Variants in ZSWIM1 observed in about 807,000 individuals in gnomAD.
ZSWIM1 encodes the protein zinc finger SWIM domain-containing protein 1.
ZSWIM1 carries 22 observed loss-of-function variants against 29.3 expected under a neutral mutation model. The observed-to-expected ratio is 0.75, with a 90% CI of 0.54 to 1.07. The LOEUF is 1.07. Among genes scored for constraint, ZSWIM1 ranks in the 50% least tolerant of loss-of-function variants. ZSWIM1 has a pLI of 0.00. For missense variants in ZSWIM1, 511 were observed against 596.2 expected (o/e 0.86, Z 1.49); for synonymous variants, 228 against 240.8 (o/e 0.95, Z 0.49).
rs752194617 is a variant in ZSWIM1, at chr20:45,883,648, C to T, written c.1056C>T (p.Ser352=). 6.2e-7 allele frequency: 1 copy of T among 1,614,186 alleles called. No individual in the cohort carries two copies. The highest frequency in any genetic ancestry group is 8.5e-7 in the Non-Finnish European group (1 of 1,180,020). Residue 352 remains serine (S), a synonymous_variant, in exon 2 of 2, where the codon TCC becomes TCT. Transcript: ENST00000372523. ...CLGELAVVQK[S]THLIGSGSEK... ...GCGAGCTTGCTGTGGTCCAGAAATC[C>T]ACACACCTCATTGGCTCTGGCTCAG...
Position 45,884,076 on chromosome 20 carries a change from A to T in ZSWIM1, c.*26A>T. On this transcript the variant is annotated 3_prime_UTR_variant, in exon 2 of 2. Transcript: ENST00000372523. ...TTATTCTCGATGCCCAGAGATGCTC[A>T]TGCACCTGTGCACACTCACATCCAC... 6.3e-7 allele frequency: 1 copy of T among 1,584,510 alleles called. No individual in the cohort carries two copies.
chr20:45,883,204 A>T lies in ZSWIM1; in HGVS notation c.612A>T (p.Ser204=). The change falls in exon 2 of 2, where the codon TCA becomes TCT. Residue 204 remains serine, a synonymous_variant. Coordinates refer to ENST00000372523, the MANE Select transcript of ZSWIM1 (RefSeq NM_080603.5). Reference sequence around the variant, plus strand: ...CCTCCCTGCAGAGCACAATGTGCTCAGCCACAGCAGGCAACCTGAGAAAGT... The same window carrying T: ...CCTCCCTGCAGAGCACAATGTGCTCTGCCACAGCAGGCAACCTGAGAAAGT... ...LLTSLQSTMC[S]ATAGNLRKLY... is the part of the protein sequence containing the mutation. 1 of 1,613,964 alleles carries T rather than the reference A, an allele frequency of 6.2e-7. No homozygotes were observed. Among genetic ancestry groups the T allele is most frequent in the Non-Finnish European group, 8.5e-7 (1 of 1,180,022 alleles).
rs780095973 is a variant in ZSWIM1 at position 45,883,325 on chromosome 20, T to C, written c.733T>C (p.Trp245Arg). ...CGACCGCATCTGGCTGGCTCACCGCTGGAGAAGCCGAGCTGAGAGCAGCCA... is the reference window on the plus strand; with the variant it reads ...CGACCGCATCTGGCTGGCTCACCGCCGGAGAAGCCGAGCTGAGAGCAGCCA... ...LNDRIWLAHRWRSRAESSHYF... is the reference protein window; with the variant it reads ...LNDRIWLAHRRRSRAESSHYF... The change falls in exon 2 of 2, where the codon TGG becomes CGG. Residue 245 changes from tryptophan to arginine, a missense_variant. Coordinates refer to ENST00000372523, the MANE Select transcript of ZSWIM1 (RefSeq NM_080603.5). 3.1e-6 allele frequency: 5 copies of C among 1,614,034 alleles called. No individual in the cohort carries two copies. Among genetic ancestry groups the C allele is most frequent in the Non-Finnish European group, 4.2e-6 (5 of 1,180,054 alleles).
rs779919054 is a variant in ZSWIM1, at chr20:45,883,877, C to T, written c.1285C>T (p.Leu429=). The T allele has an allele frequency of 6.2e-7, 1 of 1,613,982 alleles. No homozygotes were observed. The highest frequency in any genetic ancestry group is 8.5e-7 in the Non-Finnish European group (1 of 1,180,036). Residue 429 remains leucine (L), a synonymous_variant, in exon 2 of 2, where the codon CTG becomes TTG. Coordinates refer to ENST00000372523, the MANE Select transcript of ZSWIM1 (RefSeq NM_080603.5). ...CTGTGCTACCAGTCTAGACAGCATC[C>T]TGGGCAGCAAGTGGAGTGAGACCCT... ...AGCATSLDSI[L]GSKWSETLDK...
rs754518404 is a variant in ZSWIM1 at position 45,883,524 on chromosome 20, C to A, written c.932C>A (p.Thr311Asn). The A allele has an allele frequency of 6.2e-7, 1 of 1,614,206 alleles. No homozygotes were observed. The highest frequency in any genetic ancestry group is 1.7e-5 in the Admixed American group (1 of 60,026). ...CAQNNHAPSD[T>N]IPESPKLEQL... ...CAGAACAATCATGCTCCCTCAGACA[C>A]CATCCCCGAAAGCCCCAAACTGGAG... Residue 311 changes from threonine to asparagine, a missense_variant, in exon 2 of 2, where the codon ACC becomes AAC. Physicochemically the swap from Thr to Asn is moderately conservative, Grantham distance 65. Coordinates refer to ENST00000372523, the MANE Select transcript of ZSWIM1 (RefSeq NM_080603.5).
chr20:45,883,291 G>T lies in ZSWIM1; in HGVS notation c.699G>T (p.Trp233Cys), dbSNP rs773457305. 2 of 1,613,984 alleles carry T rather than the reference G, an allele frequency of 1.2e-6. No individual in the cohort carries two copies. The highest frequency in any genetic ancestry group is 4.5e-5 in the East Asian group (2 of 44,890). The stretch of plus-strand genomic sequence containing the variant: ...AGCTGCCCGAGCTTCACTCACACTG[G>T]CTGCTCAACGACCGCATCTGGCTGG... ...PAKLPELHSHWLLNDRIWLAH... is the reference protein window; with the variant it reads ...PAKLPELHSHCLLNDRIWLAH... The change falls in exon 2 of 2, where the codon TGG becomes TGT. Residue 233 changes from tryptophan to cysteine, a missense_variant. Physicochemically the swap from Trp to Cys is radical, Grantham distance 215. Coordinates refer to ENST00000372523, the MANE Select transcript of ZSWIM1 (RefSeq NM_080603.5).
At position 45,883,819 on chromosome 20, in the gene ZSWIM1, G is replaced by A; in HGVS notation, c.1227G>A (p.Gln409=). 6.2e-7 allele frequency: 1 copy of A among 1,613,516 alleles called. No homozygotes were observed. Among genetic ancestry groups the A allele is most frequent in the Non-Finnish European group, 8.5e-7 (1 of 1,180,002 alleles). Residue 409 remains glutamine, a synonymous_variant, in exon 2 of 2, where the codon CAG becomes CAA. Coordinates refer to ENST00000372523, the MANE Select transcript of ZSWIM1 (RefSeq NM_080603.5). ...AMLSARRQVL[Q]PDMLPAQWTA... ...TCAGTGCCCGCCGCCAGGTGCTCCA[G>A]CCCGACATGCTGCCGGCTCAGTGGA...
chr20:45,881,491 C>G (rs766775139), intron 1 of ZSWIM1, among the ~76,000 whole-genome samples: 4 of 152,140 alleles, frequency 2.6e-5, no homozygotes, highest in Non-Finnish European at 5.9e-5. Flanking sequence ...GTCAGGATCC[C>G]GAACCAAAGA....
At chr20:45,882,070 C>T (rs886210871) in intron 1 of ZSWIM1, among the ~76,000 whole-genome samples, 1 of 152,200 alleles carries the variant, frequency 6.6e-6, no homozygotes, top group African/African-American at 2.4e-5. Flanking sequence ...AGGCTGGTCT[C>T]GAACTCCCAA....
Position 45,883,184 on chromosome 20 carries a change from C to T in ZSWIM1, c.592C>T (p.Leu198=), listed in dbSNP as rs1273708615. 1.2e-6 allele frequency: 2 copies of T among 1,613,984 alleles called. No individual in the cohort carries two copies. Among genetic ancestry groups the T allele is most frequent in the East Asian group, 4.5e-5 (2 of 44,882 alleles). ...CGTGGAAAGGCTGCTCCTGACCTCC[C>T]TGCAGAGCACAATGTGCTCAGCCAC... ...RPVERLLLTS[L]QSTMCSATAG... The change falls in exon 2 of 2, where the codon CTG becomes TTG. Residue 198 remains leucine, a synonymous_variant. Transcript: ENST00000372523.
rs761185279 is a variant in ZSWIM1 at position 45,883,617 on chromosome 20, G to T, written c.1025G>T (p.Cys342Phe). The T allele has an allele frequency of 2.5e-6, 4 of 1,614,214 alleles. No homozygotes were observed. The highest frequency in any genetic ancestry group is 3.4e-6 in the Non-Finnish European group (4 of 1,180,046). Reference protein sequence around the residue: ...AICTGPAAQLCLGELAVVQKS... With the variant: ...AICTGPAAQLFLGELAVVQKS... ...TGCACAGGGCCAGCAGCCCAACTGT[G>T]CCTGGGCGAGCTTGCTGTGGTCCAG... Residue 342 changes from cysteine to phenylalanine, a missense_variant, in exon 2 of 2, where the codon TGC becomes TTC. By Grantham distance (205) the Cys-to-Phe change is radical. Coordinates refer to ENST00000372523, the MANE Select transcript of ZSWIM1 (RefSeq NM_080603.5).
chr20:45,881,345 G>A (rs575827376), intron 1 of ZSWIM1, 84 bp downstream of exon 1: 1 of 152,406 alleles, frequency 6.6e-6, no homozygotes, highest in African/African-American at 2.4e-5. Flanking sequence ...GGATGGGAGG[G>A]AGGTTTTCTT....
In ZSWIM1 at chr20:45,884,140, A is replaced by ACT. The variant is rs1986402329; in HGVS notation, c.*91_*92insTC. On this transcript the variant is annotated 3_prime_UTR_variant, in exon 2 of 2. Coordinates refer to ENST00000372523, the MANE Select transcript of ZSWIM1 (RefSeq NM_080603.5). ...CACACACACACACACACACACACAC[A>ACT]CACTCCCTTACACTGTTGTACTTCC... The ACT allele has an allele frequency of 4.3e-6, 6 of 1,389,810 alleles. No homozygotes were observed. The highest frequency in any genetic ancestry group is 2.5e-5 in the Admixed American group (1 of 40,564). 86.1% of individuals were successfully genotyped at this position (1,389,810 alleles called of 1,614,324 possible). A position where few individuals can be genotyped will look rare whatever the true frequency, so the allele number is the denominator to read the frequency against.
chr20:45,884,305 G>GCC lies in ZSWIM1; in HGVS notation c.*256_*257dup, dbSNP rs1986408364. ...TTAATCTGTTTAGTTTACTCAGGTG[G>GCC]CCACATACAGTCTCTGTTGTATATT... On this transcript the variant is annotated 3_prime_UTR_variant, in exon 2 of 2. Transcript: ENST00000372523. The GCC allele has an allele frequency of 4.5e-6, 2 of 441,428 alleles. No individual in the cohort carries two copies. The highest frequency in any genetic ancestry group is 4.1e-5 in the African/African-American group (2 of 48,964). 27.3% of individuals were successfully genotyped at this position (441,428 alleles called of 1,614,324 possible). A position where few individuals can be genotyped will look rare whatever the true frequency, so the allele number is the denominator to read the frequency against.
chr20:45,884,182 GAACAAGGAC>G lies in ZSWIM1; in HGVS notation c.*144_*152del, dbSNP rs984409905. On this transcript the variant is annotated 3_prime_UTR_variant, in exon 2 of 2. Transcript: ENST00000372523. ...TGTACTTCCGTGGGCCCTCCTTCCA[GAACAAGGAC>G]AACAAGGACAAGGTTGAAGGGTCTT... The G allele has an allele frequency of 2.0e-5, 26 of 1,297,240 alleles. No individual in the cohort carries two copies. Among genetic ancestry groups the G allele is most frequent in the Admixed American group, 2.6e-5 (1 of 39,118 alleles). 80.4% of individuals were successfully genotyped at this position (1,297,240 alleles called of 1,614,324 possible).
intron 1 of ZSWIM1, among the ~76,000 whole-genome samples, chr20:45,882,180 C>T (rs1162713529): frequency 6.6e-6 from 1 of 152,136 alleles, no homozygotes; most frequent in Non-Finnish European, 1.5e-5. Context: ...AGGCCATATG[C>T]AGCTCTGGCC....
At position 45,884,325 on chromosome 20, in the gene ZSWIM1, T is replaced by C. The variant is rs1986408829; in HGVS notation, c.*275T>C. ...AGGTGGCCACATACAGTCTCTGTTG[T>C]ATATTCTTGGTTTTGTTTTAATATT... On this transcript the variant is annotated 3_prime_UTR_variant, in exon 2 of 2. Coordinates refer to ENST00000372523, the MANE Select transcript of ZSWIM1 (RefSeq NM_080603.5). The C allele has an allele frequency of 2.6e-6, 1 of 379,582 alleles. No homozygotes were observed. Among genetic ancestry groups the C allele is most frequent in the Non-Finnish European group, 4.9e-6 (1 of 206,058 alleles). 23.5% of individuals were successfully genotyped at this position (379,582 alleles called of 1,614,324 possible).
rs750505217 is a variant in ZSWIM1 at position 45,884,357 on chromosome 20, C to CTTTT, written c.*327_*330dup. 1.4e-3 allele frequency: 130 copies of CTTTT among 92,806 alleles called. No homozygotes were observed. The highest frequency in any genetic ancestry group is 2.6e-3 in the African/African-American group (57 of 21,632). 5.7% of individuals were successfully genotyped at this position (92,806 alleles called of 1,614,324 possible). A position where few individuals can be genotyped will look rare whatever the true frequency, so the allele number is the denominator to read the frequency against. On this transcript the variant is annotated 3_prime_UTR_variant, in exon 2 of 2. Transcript: ENST00000372523. ...TTGGTTTTGTTTTAATATTTTTTTT[C>CTTTT]TTTTTTTTTTTTTTTTTTTTTTTGA...
At position 45,883,884 on chromosome 20, in the gene ZSWIM1, G is replaced by A. The variant is rs1409527028; in HGVS notation, c.1292G>A (p.Ser431Asn). 2 of 1,613,878 alleles carry A rather than the reference G, an allele frequency of 1.2e-6. No homozygotes were observed. Among genetic ancestry groups the A allele is most frequent in the African/African-American group, 2.7e-5 (2 of 74,900 alleles). The change falls in exon 2 of 2, where the codon AGC becomes AAC. Residue 431 changes from serine to asparagine, a missense_variant. Coordinates refer to ENST00000372523, the MANE Select transcript of ZSWIM1 (RefSeq NM_080603.5). ...CATSLDSILGSKWSETLDKHL... is the reference protein window; with the variant it reads ...CATSLDSILGNKWSETLDKHL... ...ACCAGTCTAGACAGCATCCTGGGCA[G>A]CAAGTGGAGTGAGACCCTGGATAAG...
Sources: gnomAD v4.1 joint callset for allele counts (sites outside exome capture counted in the v4.1 genomes callset) on GRCh38, gnomAD v4.1.1 for gene constraint, MANE v1.5 for transcripts, NCBI Gene and HGNC (gene_info 2026-07-23, HGNC 2026-07-21) for gene names.